The following CADPS2 variants were observed in gnomAD, a reference collection of about 807,000 sequenced individuals.
CADPS2 encodes calcium dependent secretion activator 2, also known as calcium-dependent secretion activator 2.
Under a neutral mutation model 172.5 loss-of-function variants are expected in CADPS2, and 93 were observed. The observed-to-expected ratio is 0.54, with a 90% CI of 0.46 to 0.64. CADPS2 has a LOEUF of 0.64. Among genes scored for constraint, CADPS2 ranks in the 30% least tolerant of loss-of-function variants. The pLI is 0.00. For missense variants in CADPS2, 1,420 were observed against 1,565.9 expected (o/e 0.91, Z 1.57); for synonymous variants, 546 against 555.2 (o/e 0.98, Z 0.23).
intron 2 of CADPS2, among the ~76,000 whole-genome samples, chr7:122,664,244 T>C (rs1431060466): frequency 1.3e-5 from 2 of 152,102 alleles, no homozygotes; most frequent in Non-Finnish European, 2.9e-5. Flanking sequence ...ATATTCATCA[T>C]ATGTAATTTT....
rs112470310 is a variant in CADPS2, at chr7:122,612,812, A to G, written c.1223+2369T>C. 3.3e-3 allele frequency among the ~76,000 whole-genome samples: 509 copies of G among 152,250 alleles called. 5 individuals carry two copies. The highest frequency in any genetic ancestry group is 0.012 in the African/African-American group (489 of 41,584). On this transcript the variant is annotated intron_variant, in intron 6 of 29. Coordinates refer to ENST00000449022, the MANE Select transcript of CADPS2 (RefSeq NM_017954.11). ...TTACTGCAATGGTAGAGCAATGGTA[A>G]TCCAGAAAGTGTGGTAGTGGCATAA...
chr7:122,747,139 T>A (rs975065636), intron 1 of CADPS2, among the ~76,000 whole-genome samples: 2 of 151,084 alleles, frequency 1.3e-5, no homozygotes, highest in Admixed American at 1.3e-4. Flanking sequence ...AGGCAGAGAG[T>A]TGAAGAGAAA....
At chr7:122,745,222 T>C (rs765915405) in intron 1 of CADPS2, among the ~76,000 whole-genome samples, 1 of 152,130 alleles carries the variant, frequency 6.6e-6, no homozygotes. Flanking sequence ...ATAGTCACTA[T>C]GCTGTACACT....
At chr7:122,828,914 T>G (rs571886978) in intron 1 of CADPS2, among the ~76,000 whole-genome samples, 2 of 152,342 alleles carry the variant, frequency 1.3e-5, no homozygotes, top group Middle Eastern at 3.4e-3. Context: ...GAATGTATCC[T>G]ACCACTGTGC....
intron 1 of CADPS2, among the ~76,000 whole-genome samples, chr7:122,867,499 T>C (rs905446356): frequency 6.6e-6 from 1 of 152,168 alleles, no homozygotes; most frequent in African/African-American, 2.4e-5. Flanking sequence ...GGTAATAGTC[T>C]TGTACAACAT....
At chr7:122,537,569 A>C (rs1363064364) in intron 8 of CADPS2, among the ~76,000 whole-genome samples, 2 of 151,894 alleles carry the variant, frequency 1.3e-5, no homozygotes, top group African/African-American at 2.4e-5. Flanking sequence ...ATAAAAACAA[A>C]AACAAAAATT....
Position 122,411,617 on chromosome 7 carries a change from G to C in CADPS2, c.2589+2451C>G, listed in dbSNP as rs116959852. Among the ~76,000 whole-genome samples, 9 of 152,244 alleles carry C rather than the reference G, an allele frequency of 5.9e-5. No individual in the cohort carries two copies. In the East Asian group the frequency reaches 1.7e-3, roughly 29 times the overall value. ...GAGCAAAAACAGTGAGTCTGACTTT[G>C]AAATACATTTTGTGCCTATTTATTC... On this transcript the variant is annotated intron_variant, in intron 19 of 29. Coordinates refer to ENST00000449022, the MANE Select transcript of CADPS2 (RefSeq NM_017954.11).
intron 3 of CADPS2, among the ~76,000 whole-genome samples, chr7:122,635,384 T>A (rs1252221552): frequency 6.6e-6 from 1 of 151,788 alleles, no homozygotes; most frequent in African/African-American, 2.4e-5. Flanking sequence ...ACCCATTAAC[T>A]CGTCATTTAG....
Position 122,516,327 on chromosome 7 carries a change from G to C in CADPS2, c.1476-3012C>G, listed in dbSNP as rs578035874. On this transcript the variant is annotated intron_variant, in intron 8 of 29. Coordinates refer to ENST00000449022, the MANE Select transcript of CADPS2 (RefSeq NM_017954.11). ...AGGCAGGAGGATTGCTTGAGAACAG[G>C]AGTTCAAAATCAGCTTAGGCAACAT... 7.2e-5 allele frequency among the ~76,000 whole-genome samples: 11 copies of C among 152,230 alleles called. No individual in the cohort carries two copies. The South Asian group carries it at 1.5e-3, about 20-fold the overall frequency.
chr7:122,559,127 A>C (rs1222206776), intron 7 of CADPS2, among the ~76,000 whole-genome samples: 1 of 152,186 alleles, frequency 6.6e-6, no homozygotes, highest in Non-Finnish European at 1.5e-5. Flanking sequence ...TCTTGAAAAA[A>C]TCATGACAGC....
chr7:122,454,178 T>A (rs1290594208), intron 14 of CADPS2, among the ~76,000 whole-genome samples: 1 of 152,166 alleles, frequency 6.6e-6, no homozygotes, highest in Admixed American at 6.6e-5. Flanking sequence ...CTGTAATTAT[T>A]AAAACAAACA....
chr7:122,675,361 G>A (rs559255290), intron 2 of CADPS2, among the ~76,000 whole-genome samples: 10 of 152,276 alleles, frequency 6.6e-5, no homozygotes, highest in South Asian at 2.1e-4. Flanking sequence ...GTCACGTACC[G>A]GAAAAGGCCA....
intron 1 of CADPS2, among the ~76,000 whole-genome samples, chr7:122,874,170 C>A (rs1308989569): frequency 3.9e-5 from 6 of 152,114 alleles, no homozygotes; most frequent in Admixed American, 3.9e-4. Context: ...TCTTTTACAT[C>A]CCATTTATCA....
chr7:122,558,221 GTTCCAC>G (rs1351230453), intron 7 of CADPS2, among the ~76,000 whole-genome samples: 10 of 151,960 alleles, frequency 6.6e-5, no homozygotes, highest in Admixed American at 6.6e-4. Context: ...ATTAGAAGCA[GTTCCAC>G]TTCAATAGGA....
chr7:122,527,617 A>AGAGAGAGAGAGAGAGGGTGTGT, intron 8 of CADPS2, among the ~76,000 whole-genome samples: 2 of 83,806 alleles, frequency 2.4e-5, no homozygotes, highest in Non-Finnish European at 5.2e-5. Context: ...AGAGAGAGAG[A>AGAGAGAGAGAGAGAGGGTGTGT]GTGTGTGTGT....
At chr7:122,536,727 G>A (rs752630148) in intron 8 of CADPS2, among the ~76,000 whole-genome samples, 2 of 152,058 alleles carry the variant, frequency 1.3e-5, no homozygotes, top group African/African-American at 2.4e-5. Flanking sequence ...TCTTTTAGCA[G>A]TTGAGTTTGC....
intron 8 of CADPS2, among the ~76,000 whole-genome samples, chr7:122,549,528 G>A (rs2063988336): frequency 6.6e-6 from 1 of 152,024 alleles, no homozygotes; most frequent in African/African-American, 2.4e-5. Flanking sequence ...GACTGAAGTG[G>A]GAGGACTGCT....
intron 2 of CADPS2, among the ~76,000 whole-genome samples, chr7:122,705,633 ATATAT>A (rs1274441840): frequency 2.0e-5 from 2 of 102,174 alleles, no homozygotes; most frequent in South Asian, 2.5e-4. Flanking sequence ...ATTATATATG[ATATAT>A]AATATATTAT....
Position 122,463,734 on chromosome 7 carries a change from T to C in CADPS2, c.2186+7641A>G, listed in dbSNP as rs117772415. Among the ~76,000 whole-genome samples the C allele has an allele frequency of 1.2e-3, 190 of 152,300 alleles. 1 individual carries two copies. The East Asian group carries it at 0.028, about 22-fold the overall frequency. On this transcript the variant is annotated intron_variant, in intron 14 of 29. Transcript: ENST00000449022. Reference sequence around the variant, plus strand: ...CATCTTTGGCAAACAGTATTTTGACTGGAAACTGAAAGGTTTTGTAGACAA... The same window carrying C: ...CATCTTTGGCAAACAGTATTTTGACCGGAAACTGAAAGGTTTTGTAGACAA...
Sources: allele counts gnomAD v4.1 joint callset (sites outside exome capture counted in the v4.1 genomes callset), GRCh38; gene constraint gnomAD v4.1.1; transcripts MANE v1.5; gene names NCBI Gene and HGNC (gene_info 2026-07-23, HGNC 2026-07-21).